Variants in IMMP2L observed in about 807,000 individuals in gnomAD.
IMMP2L encodes mitochondrial inner membrane protease subunit 2.
A neutral mutation model predicts 19.3 loss-of-function variants in IMMP2L; 18 were observed. The observed-to-expected ratio is 0.93, with a 90% confidence interval of 0.64 to 1.38. The LOEUF is 1.38. Ranked by LOEUF, IMMP2L falls within the 40% of genes most tolerant of loss-of-function variation. IMMP2L has a pLI of 0.00. For missense variants in IMMP2L, 233 were observed against 218.2 expected (o/e 1.07, Z -0.43); for synonymous variants, 76 against 73.0 (o/e 1.04, Z -0.21).
chr7:110,733,538 GAGA>G (rs34048648), intron 5 of IMMP2L, among the ~76,000 whole-genome samples: 49,302 of 151,402 alleles, frequency 0.33, 9,771 homozygotes, highest in East Asian at 0.68. Context: ...AAGAGAAAGA[GAGA>G]AGGACAGATT....
intron 3 of IMMP2L, among the ~76,000 whole-genome samples, chr7:111,055,748 G>A (rs887601649): frequency 6.6e-6 from 1 of 152,194 alleles, no homozygotes; most frequent in Non-Finnish European, 1.5e-5. Flanking sequence ...AGAGGGATGA[G>A]GAAATTCAGG....
At chr7:111,444,795 T>C (rs567383011) in intron 3 of IMMP2L, among the ~76,000 whole-genome samples, 1 of 152,046 alleles carries the variant, frequency 6.6e-6, no homozygotes, top group Non-Finnish European at 1.5e-5. Context: ...GAACAGAAAC[T>C]ATATGGCATA....
At chr7:111,045,773 T>C (rs564646047) in intron 3 of IMMP2L, among the ~76,000 whole-genome samples, 2 of 152,350 alleles carry the variant, frequency 1.3e-5, no homozygotes, top group African/African-American at 2.4e-5. Context: ...GCAGCCTTGC[T>C]GATGCCTTGA....
intron 3 of IMMP2L, among the ~76,000 whole-genome samples, chr7:110,973,628 C>T (rs189824884): frequency 7.2e-5 from 11 of 152,086 alleles, no homozygotes; most frequent in African/African-American, 2.7e-4. Context: ...AATCTTATTC[C>T]AAATAATTAG....
intron 5 of IMMP2L, among the ~76,000 whole-genome samples, chr7:110,771,726 A>C (rs1799052642): frequency 6.6e-6 from 1 of 152,200 alleles, no homozygotes; most frequent in African/African-American, 2.4e-5. Flanking sequence ...AACCCAACGA[A>C]GACTCCTATA....
chr7:111,494,435 G>A (rs1413727467), intron 2 of IMMP2L, among the ~76,000 whole-genome samples: 3 of 152,082 alleles, frequency 2.0e-5, no homozygotes, highest in Non-Finnish European at 4.4e-5. Context: ...GAAGAGGAAA[G>A]GTAAATATTC....
At chr7:111,536,718 T>C (rs959330723) in intron 1 of IMMP2L, among the ~76,000 whole-genome samples, 2 of 152,178 alleles carry the variant, frequency 1.3e-5, no homozygotes, top group African/African-American at 4.8e-5. Flanking sequence ...ATTATCCTTC[T>C]ACACTAATTT....
At chr7:111,293,530 A>G (rs1304030206) in intron 3 of IMMP2L, among the ~76,000 whole-genome samples, 1 of 151,864 alleles carries the variant, frequency 6.6e-6, no homozygotes, top group East Asian at 1.9e-4. Flanking sequence ...AAATATAACT[A>G]CTGTTTGACA....
At chr7:111,096,057 A>G (rs1797364625) in intron 3 of IMMP2L, among the ~76,000 whole-genome samples, 1 of 151,992 alleles carries the variant, frequency 6.6e-6, no homozygotes, top group Non-Finnish European at 1.5e-5. Context: ...CATAATAGTA[A>G]TTAATTGACT....
chr7:110,903,038 C>G (rs1187353847), intron 4 of IMMP2L, among the ~76,000 whole-genome samples: 2 of 151,856 alleles, frequency 1.3e-5, no homozygotes, highest in African/African-American at 4.8e-5. Context: ...ACTTAATTAT[C>G]CTTCTGAAAC....
chr7:110,727,260 G>A lies in IMMP2L; in HGVS notation c.409-63539C>T, dbSNP rs991291885. On this transcript the variant is annotated intron_variant, in intron 5 of 5. Transcript: ENST00000405709. This position sits in a 1 kb window ranked among gnomAD's most constrained non-coding sequence, Gnocchi z 4.3. ...AAAAAATGTAGTTGGGCAGGGTGGT[G>A]CATGCCTGAAATCCCAGCTACTCAG... Among the ~76,000 whole-genome samples, 2 of 152,220 alleles carry A rather than the reference G, an allele frequency of 1.3e-5. No homozygotes were observed. The highest frequency in any genetic ancestry group is 2.1e-4 in the South Asian group (1 of 4,822).
chr7:111,446,327 G>A (rs1404761021), intron 3 of IMMP2L, among the ~76,000 whole-genome samples: 1 of 144,346 alleles, frequency 6.9e-6, no homozygotes, highest in Non-Finnish European at 1.5e-5. Flanking sequence ...TTTGAAGAGA[G>A]CAGTGGTTCT....
rs376512324 is a variant in IMMP2L, at chr7:111,030,732, A to G, written c.240-67167T>C. On this transcript the variant is annotated intron_variant, in intron 3 of 5. Coordinates refer to ENST00000405709, the MANE Select transcript of IMMP2L (RefSeq NM_032549.4). The stretch of plus-strand genomic sequence containing the variant: ...TACATAGTTACCCACTGTATTTACT[A>G]TACTTTAGAGCAAAAATGCATACAG... Among the ~76,000 whole-genome samples the G allele has an allele frequency of 1.1e-4, 17 of 152,126 alleles. No individual in the cohort carries two copies. In the East Asian group the frequency reaches 2.3e-3, roughly 21 times the overall value.
intron 4 of IMMP2L, chr7:110,962,165 G>A (rs961802507): frequency 5.3e-5 from 8 of 151,882 alleles, no homozygotes; most frequent in African/African-American, 1.9e-4. Flanking sequence ...TTGTTGCTAC[G>A]AATTTCTACA....
At chr7:110,954,527 A>T (rs866132001) in intron 4 of IMMP2L, among the ~76,000 whole-genome samples, 9 of 152,108 alleles carry the variant, frequency 5.9e-5, no homozygotes, top group African/African-American at 2.2e-4. Flanking sequence ...CACATTTAAG[A>T]GCCAGGCACT....
intron 3 of IMMP2L, among the ~76,000 whole-genome samples, chr7:111,331,198 T>C (rs1825839979): frequency 6.6e-6 from 1 of 151,968 alleles, no homozygotes; most frequent in African/African-American, 2.4e-5. Context: ...AATGGATGAA[T>C]GGATAAACAA....
At chr7:111,007,384 G>T (rs1824404414) in intron 3 of IMMP2L, among the ~76,000 whole-genome samples, 1 of 152,018 alleles carries the variant, frequency 6.6e-6, no homozygotes, top group Non-Finnish European at 1.5e-5. Flanking sequence ...CATTCCATCA[G>T]AATTGCTAGG....
chr7:111,027,791 A>G (rs1484495154), intron 3 of IMMP2L, among the ~76,000 whole-genome samples: 1 of 152,096 alleles, frequency 6.6e-6, no homozygotes, highest in African/African-American at 2.4e-5. Context: ...GATATATCTA[A>G]ATGAAGAACA....
At chr7:111,000,002 T>C (rs1190411295) in intron 3 of IMMP2L, among the ~76,000 whole-genome samples, 1 of 152,180 alleles carries the variant, frequency 6.6e-6, no homozygotes, top group Non-Finnish European at 1.5e-5. Context: ...GGAATATCAA[T>C]ATCCACACTA....
Sources: allele counts gnomAD v4.1 joint callset (sites outside exome capture counted in the v4.1 genomes callset), GRCh38; gene constraint gnomAD v4.1.1; non-coding constraint Gnocchi (gnomAD v3.1); transcripts MANE v1.5; gene names NCBI Gene and HGNC (gene_info 2026-07-23, HGNC 2026-07-21).